The following SLC35D4 variants were observed in gnomAD, a reference collection of about 807,000 sequenced individuals.
The protein encoded by SLC35D4 is UDP-N-acetylglucosamine transporter SLC35D4.
At chr18:23,428,632 C>T in the SLC35D4 span, among the ~76,000 whole-genome samples, 3 of 152,048 alleles carry the variant, frequency 2.0e-5, no homozygotes, top group African/African-American at 7.2e-5. Context: ...ATCCTCCTGT[C>T]TCAACCTCCT....
the SLC35D4 span, among the ~76,000 whole-genome samples, chr18:23,373,351 CA>C: frequency 3.8e-3 from 575 of 152,106 alleles, 4 homozygotes; most frequent in African/African-American, 0.013. Flanking sequence ...AATCACTTTG[CA>C]GGAGATGAGG....
chr18:23,385,255 G>A, the SLC35D4 span, among the ~76,000 whole-genome samples: 1 of 152,196 alleles, frequency 6.6e-6, no homozygotes, highest in Non-Finnish European at 1.5e-5. Flanking sequence ...GGTGGATGTA[G>A]AGGTTCCCCT....
the SLC35D4 span, among the ~76,000 whole-genome samples, chr18:23,338,202 GCAT>G: frequency 1.3e-5 from 2 of 152,220 alleles, no homozygotes; most frequent in Non-Finnish European, 2.9e-5. Flanking sequence ...TGTGAATGAT[GCAT>G]CAATTGCTTC....
At chr18:23,370,451 A>C in the SLC35D4 span, among the ~76,000 whole-genome samples, 1 of 152,196 alleles carries the variant, frequency 6.6e-6, no homozygotes, top group Non-Finnish European at 1.5e-5. Flanking sequence ...CAAGGATACA[A>C]ATTCAATAAT....
At chr18:23,357,207 T>C in the SLC35D4 span, among the ~76,000 whole-genome samples, 1 of 152,184 alleles carries the variant, frequency 6.6e-6, no homozygotes, top group African/African-American at 2.4e-5. Flanking sequence ...ATTTTTTTTT[T>C]CATTTTTATG....
At chr18:23,437,952 GC>G in the SLC35D4 span, 1 of 1,328,276 alleles carries the variant, frequency 7.5e-7, no homozygotes, top group Non-Finnish European at 1.0e-6. Flanking sequence ...GGCAGCAGCC[GC>G]CCAGAGACGG....
the SLC35D4 span, among the ~76,000 whole-genome samples, chr18:23,436,242 G>T: frequency 6.6e-6 from 1 of 151,680 alleles, no homozygotes; most frequent in Admixed American, 6.6e-5. Context: ...TGGCCAGGCT[G>T]GTTTCGAACT....
chr18:23,437,916 A>AC, the SLC35D4 span: 1 of 1,538,958 alleles, frequency 6.5e-7, no homozygotes, highest in Non-Finnish European at 8.8e-7. Flanking sequence ...CCGCCGCCCG[A>AC]CCCCCGCAGC....
the SLC35D4 span, among the ~76,000 whole-genome samples, chr18:23,329,431 T>C: frequency 2.0e-5 from 3 of 152,216 alleles, no homozygotes; most frequent in Admixed American, 2.0e-4. Context: ...AAGACATCTA[T>C]GCAGCCAACA....
At chr18:23,353,126 T>TGTGTGTGTGTGTGTGTGTGTGTGTGTGA in the SLC35D4 span, among the ~76,000 whole-genome samples, 3 of 149,320 alleles carry the variant, frequency 2.0e-5, no homozygotes, top group East Asian at 2.0e-4. Context: ...TGTGTGTATG[T>TGTGTGTGTGTGTGTGTGTGTGTGTGTGA]GAGAGAGAGA....
chr18:23,430,738 A>G, the SLC35D4 span: 1 of 1,433,528 alleles, frequency 7.0e-7, no homozygotes, highest in Middle Eastern at 1.8e-4. Context: ...CAAACCATAT[A>G]ATCAAAGACA....
chr18:23,275,384 C>T, the SLC35D4 span, among the ~76,000 whole-genome samples: 3 of 152,076 alleles, frequency 2.0e-5, no homozygotes, highest in Non-Finnish European at 2.9e-5. Flanking sequence ...TGAAACTGGG[C>T]GGGCACCTAG....
the SLC35D4 span, among the ~76,000 whole-genome samples, chr18:23,382,565 GA>G: frequency 6.6e-6 from 1 of 150,922 alleles, no homozygotes; most frequent in African/African-American, 2.4e-5. Flanking sequence ...TAGGGAGAAA[GA>G]AAAAAAAATT....
the SLC35D4 span, chr18:23,437,813 T>C: frequency 1.2e-6 from 2 of 1,612,932 alleles, no homozygotes; most frequent in East Asian, 4.5e-5. Context: ...AGGTAGCAGG[T>C]ACAAAAGGTG....
the SLC35D4 span, chr18:23,437,740 C>G: frequency 6.3e-7 from 1 of 1,589,950 alleles, no homozygotes; most frequent in Non-Finnish European, 8.6e-7. Flanking sequence ...CGACTCAAAC[C>G]TCCCACGTGC....
chr18:23,389,801 A>G, the SLC35D4 span, among the ~76,000 whole-genome samples: 1 of 152,250 alleles, frequency 6.6e-6, no homozygotes, highest in East Asian at 1.9e-4. Context: ...GGCCTCTCAA[A>G]GTGCTGTGAT....
the SLC35D4 span, among the ~76,000 whole-genome samples, chr18:23,427,711 C>T: frequency 2.0e-5 from 3 of 152,200 alleles, no homozygotes; most frequent in African/African-American, 7.2e-5. Flanking sequence ...TATAAAGACA[C>T]ATGCACACAT....
chr18:23,278,718 A>T, the SLC35D4 span, among the ~76,000 whole-genome samples: 2 of 152,094 alleles, frequency 1.3e-5, no homozygotes, highest in Admixed American at 1.3e-4. Context: ...ATCATTAAGA[A>T]AATTAGGGCT....
At chr18:23,347,477 T>C in the SLC35D4 span, among the ~76,000 whole-genome samples, 1 of 152,058 alleles carries the variant, frequency 6.6e-6, no homozygotes, top group East Asian at 1.9e-4. Flanking sequence ...CAGGCTGGAG[T>C]GCAGTGGCGT....
Sources: allele counts gnomAD v4.1 joint callset (sites outside exome capture counted in the v4.1 genomes callset), GRCh38; gene constraint gnomAD v4.1.1; transcripts MANE v1.5; gene names NCBI Gene and HGNC (gene_info 2026-07-23, HGNC 2026-07-21).